BTG4: variants seen among roughly 807,000 people sequenced by gnomAD.
BTG4 encodes protein BTG4.
A neutral mutation model predicts 19.3 loss-of-function variants in BTG4; 10 were observed. That is an observed-to-expected ratio of 0.52 (90% CI 0.32 to 0.88). The LOEUF (loss-of-function observed/expected upper bound fraction) is 0.88, where lower values mean the gene tolerates loss of function less well. Among genes scored for constraint, BTG4 ranks in the 40% least tolerant of loss-of-function variants. The pLI, the probability that BTG4 is intolerant of heterozygous loss-of-function variation, is 0.04. For missense variants in BTG4, 238 were observed against 281.9 expected, an observed-to-expected ratio of 0.84 and a Z score of 1.11; for synonymous variants, 91 against 95.7, an observed-to-expected ratio of 0.95 and a Z score of 0.29.
chr11:111,432,600 C>T, the BTG4 span, among the ~76,000 whole-genome samples: 6 of 152,088 alleles, frequency 3.9e-5, no homozygotes, highest in Non-Finnish European at 5.9e-5. Context: ...GCTGAGACCA[C>T]GCTGTTGCAC....
At chr11:111,414,422 C>T in the BTG4 span, 1 of 152,196 alleles carries the variant, frequency 6.6e-6, no homozygotes, top group African/African-American at 2.4e-5. Context: ...GTTGAACCCT[C>T]CTATCAGGGC....
At chr11:111,508,805 C>T (rs1866644181) in intron 1 of BTG4, among the ~76,000 whole-genome samples, 1 of 149,470 alleles carries the variant, frequency 6.7e-6, no homozygotes. Context: ...TAATCTATTA[C>T]TATAAGTTAT....
the BTG4 span, among the ~76,000 whole-genome samples, chr11:111,424,696 G>A: frequency 1.1e-4 from 16 of 152,210 alleles, no homozygotes; most frequent in Admixed American, 2.6e-4. Context: ...AGTGGCTGAC[G>A]CCTGTAATCC....
chr11:111,434,810 C>A, the BTG4 span, among the ~76,000 whole-genome samples: 1 of 152,130 alleles, frequency 6.6e-6, no homozygotes. Flanking sequence ...GACCACCCAT[C>A]CAGGAAGAAA....
chr11:111,513,605 T>G, upstream of BTG4: 1 of 425,164 alleles, frequency 2.4e-6, no homozygotes. Context: ...CCATTGCCTA[T>G]TAATTGCTCA....
intron 5 of BTG4, among the ~76,000 whole-genome samples, chr11:111,468,580 A>T (rs537030120): frequency 6.6e-6 from 1 of 152,214 alleles, no homozygotes; most frequent in Non-Finnish European, 1.5e-5. Flanking sequence ...ATTCCAAACT[A>T]CCTGAAGTTT....
intron 5 of BTG4, among the ~76,000 whole-genome samples, chr11:111,472,923 C>A (rs1234112102): frequency 6.6e-6 from 1 of 152,128 alleles, no homozygotes; most frequent in Non-Finnish European, 1.5e-5. Flanking sequence ...AACTATAAGA[C>A]AGATAATAGC....
chr11:111,513,350 C>A (rs1867087239), upstream of BTG4: 1 of 526,476 alleles, frequency 1.9e-6, no homozygotes, highest in Non-Finnish European at 3.9e-6. Flanking sequence ...ACCAAGCTAG[C>A]AACTCAGTTG....
At chr11:111,425,398 C>T in the BTG4 span, among the ~76,000 whole-genome samples, 4 of 152,108 alleles carry the variant, frequency 2.6e-5, no homozygotes, top group South Asian at 2.1e-4. Flanking sequence ...TCCAAGGATA[C>T]AGTCGAAAAA....
chr11:111,443,592 GA>G, the BTG4 span, among the ~76,000 whole-genome samples: 1 of 151,804 alleles, frequency 6.6e-6, no homozygotes. Flanking sequence ...AAAACAGAGG[GA>G]AAAAAAAGAG....
At chr11:111,474,559 T>C (rs1311329822) in intron 5 of BTG4, among the ~76,000 whole-genome samples, 1 of 152,064 alleles carries the variant, frequency 6.6e-6, no homozygotes, top group Non-Finnish European at 1.5e-5. Context: ...GATACATTAC[T>C]ACTTACTCAT....
chr11:111,420,613 C>T, the BTG4 span, among the ~76,000 whole-genome samples: 10,581 of 152,258 alleles, frequency 0.069, 1,177 homozygotes, highest in African/African-American at 0.24. Flanking sequence ...CTGTGGTTCT[C>T]CCCTGTAATG....
chr11:111,464,189 G>A (rs1233065932), downstream of BTG4, among the ~76,000 whole-genome samples: 2 of 152,116 alleles, frequency 1.3e-5, no homozygotes, highest in Admixed American at 1.3e-4. Context: ...AGTAGAGACA[G>A]GGTTTCCCCA....
downstream of BTG4, chr11:111,462,773 G>T (rs1378449910): frequency 6.6e-6 from 1 of 152,516 alleles, no homozygotes; most frequent in Non-Finnish European, 1.5e-5. Flanking sequence ...CAAGCAGCTG[G>T]CCGGCTGCAG....
the BTG4 span, among the ~76,000 whole-genome samples, chr11:111,447,482 C>T: frequency 7.7e-4 from 117 of 152,306 alleles, no homozygotes; most frequent in African/African-American, 2.7e-3. Context: ...ATTTCACACA[C>T]GGAGAGTACT....
At chr11:111,396,629 A>G in the BTG4 span, among the ~76,000 whole-genome samples, 1 of 152,212 alleles carries the variant, frequency 6.6e-6, no homozygotes, top group Non-Finnish European at 1.5e-5. Flanking sequence ...TCCCGCCCTC[A>G]ATGTGTTCTC....
At chr11:111,498,475 A>G (rs2135684382) in intron 2 of BTG4, 129 bp downstream of exon 2, 1 of 822,528 alleles carries the variant, frequency 1.2e-6, no homozygotes, top group Admixed American at 2.9e-5. Context: ...TCCACGTTCA[A>G]ACAAATAAAC....
the BTG4 span, among the ~76,000 whole-genome samples, chr11:111,425,786 C>T: frequency 6.6e-6 from 1 of 152,182 alleles, no homozygotes; most frequent in Non-Finnish European, 1.5e-5. Flanking sequence ...AATCGCAGCT[C>T]TTTGGGAGGC....
chr11:111,499,623 T>C (rs924850179), intron 1 of BTG4, among the ~76,000 whole-genome samples: 5 of 152,362 alleles, frequency 3.3e-5, no homozygotes, highest in Non-Finnish European at 1.5e-5. Context: ...ATTCCAATGA[T>C]GTCATCTCTA....
Sources: gnomAD v4.1 joint callset for allele counts (sites outside exome capture counted in the v4.1 genomes callset) on GRCh38, gnomAD v4.1.1 for gene constraint, MANE v1.5 for transcripts, NCBI Gene and HGNC (gene_info 2026-07-23, HGNC 2026-07-21) for gene names.